The following CACNG4 variants were observed in gnomAD, a reference collection of about 807,000 sequenced individuals.
CACNG4 encodes voltage-dependent calcium channel gamma-4 subunit.
In CACNG4, 8 loss-of-function variants were observed where a neutral mutation model predicts 22.9. The observed-to-expected ratio is 0.35, with a 90% CI of 0.21 to 0.63. CACNG4 has a LOEUF of 0.63. CACNG4 is among the 30% of genes least tolerant of loss of function. The pLI is 0.72. For missense variants in CACNG4, 357 were observed against 455.4 expected (o/e 0.78, Z 1.97); for synonymous variants, 188 against 191.9 (o/e 0.98, Z 0.17).
chr17:67,030,888 G>A lies in CACNG4; in HGVS notation c.868G>A (p.Ala290Thr), dbSNP rs1430803175. The A allele has an allele frequency of 9.3e-6, 15 of 1,612,532 alleles. No individual in the cohort carries two copies. The South Asian group carries it at 1.6e-4, about 18-fold the overall frequency. Reference protein sequence around the residue: ...SREPLKVTTAASYSPDQEASF... With the variant: ...SREPLKVTTATSYSPDQEASF... ...GGAGCCCCTCAAGGTGACCACCGCA[G>A]CCAGCTACAGCCCCGACCAGGAGGC... is the stretch of plus-strand genomic sequence containing the variant. Residue 290 changes from alanine to threonine, a missense_variant, in exon 4 of 4, where the codon GCC becomes ACC. Physicochemically the swap from Ala to Thr is moderately conservative, Grantham distance 58. Coordinates refer to ENST00000262138, the MANE Select transcript of CACNG4 (RefSeq NM_014405.4). The surrounding 1 kb of genome is among the most constrained non-coding windows in gnomAD (Gnocchi z 6.4).
rs890061667 is a variant in CACNG4, at chr17:67,031,170, G to A, written c.*166G>A. 1.4e-5 allele frequency: 10 copies of A among 722,780 alleles called. No homozygotes were observed. Among genetic ancestry groups the A allele is most frequent in the Admixed American group, 2.6e-5 (1 of 38,794 alleles). 44.8% of individuals were successfully genotyped at this position (722,780 alleles called of 1,614,324 possible). On this transcript the variant is annotated 3_prime_UTR_variant, in exon 4 of 4. Transcript: ENST00000262138. This position sits in a 1 kb window ranked among gnomAD's most constrained non-coding sequence, Gnocchi z 4.0. ...CTGGCTTTGCACGAAGGTTGTGCTG[G>A]GAGACCGGACCCGGGGCTGCAGAAG... is the stretch of plus-strand genomic sequence containing the variant.
intron 1 of CACNG4, among the ~76,000 whole-genome samples, chr17:66,988,797 G>A (rs932592321): frequency 5.9e-5 from 9 of 152,104 alleles, no homozygotes; most frequent in African/African-American, 2.2e-4. Flanking sequence ...GGTGGCTCAC[G>A]CCTGTGATCT....
intron 1 of CACNG4, among the ~76,000 whole-genome samples, chr17:67,003,238 C>T (rs1419887941): frequency 6.6e-6 from 1 of 151,846 alleles, no homozygotes; most frequent in Non-Finnish European, 1.5e-5. Context: ...CATTTGTGAT[C>T]CCCATTTCAC....
chr17:66,979,931 T>C (rs1291389434), intron 1 of CACNG4, among the ~76,000 whole-genome samples: 2 of 151,998 alleles, frequency 1.3e-5, no homozygotes, highest in Non-Finnish European at 2.9e-5. Context: ...AATTTTTGTA[T>C]TTTTAGTAGA....
chr17:66,976,791 CTG>C (rs2143282626), intron 1 of CACNG4, among the ~76,000 whole-genome samples: 1 of 152,302 alleles, frequency 6.6e-6, no homozygotes, highest in East Asian at 1.9e-4. Flanking sequence ...CTTGGAAACA[CTG>C]TTGGCTGTGG....
At chr17:66,989,858 G>T (rs1042197566) in intron 1 of CACNG4, among the ~76,000 whole-genome samples, 1 of 151,650 alleles carries the variant, frequency 6.6e-6, no homozygotes, top group Admixed American at 6.6e-5. Context: ...ACTGAGTCTC[G>T]GATGAAACAC....
chr17:67,015,041 G>A (rs570715135), intron 1 of CACNG4, among the ~76,000 whole-genome samples: 1 of 152,188 alleles, frequency 6.6e-6, no homozygotes, highest in Non-Finnish European at 1.5e-5. Flanking sequence ...TAGGGACAGA[G>A]AACAATCTCA....
rs566993176 is a variant in CACNG4, at chr17:66,993,011, G to A, written c.221-25178G>A. 2.4e-3 allele frequency among the ~76,000 whole-genome samples: 367 copies of A among 152,336 alleles called. 1 individual carries two copies. The highest frequency in any genetic ancestry group is 4.5e-3 in the Admixed American group (69 of 15,306). On this transcript the variant is annotated intron_variant, in intron 1 of 3. Coordinates refer to ENST00000262138, the MANE Select transcript of CACNG4 (RefSeq NM_014405.4). The stretch of plus-strand genomic sequence containing the variant: ...AGCGCCCACCTTGCACCTAGCGTGC[G>A]CTGTGTCTACAGCAGCTGGCCCGGC...
intron 1 of CACNG4, among the ~76,000 whole-genome samples, chr17:66,973,196 C>T (rs918393563): frequency 2.7e-5 from 4 of 150,896 alleles, no homozygotes; most frequent in Non-Finnish European, 5.9e-5. Context: ...GCTGAGAGCT[C>T]GCCACTACAC....
At chr17:66,970,855 C>T (rs1247470611) in intron 1 of CACNG4, among the ~76,000 whole-genome samples, 1 of 152,206 alleles carries the variant, frequency 6.6e-6, no homozygotes, top group Non-Finnish European at 1.5e-5. Flanking sequence ...TCCAATCATT[C>T]AGGAAGAGGC....
chr17:66,964,908 C>T lies in CACNG4; in HGVS notation c.-4C>T. On this transcript the variant is annotated 5_prime_UTR_variant, in exon 1 of 4. Transcript: ENST00000262138. The stretch of plus-strand genomic sequence containing the variant: ...GGCGGGCGGCGGACTATGAGGCGCC[C>T]ACCATGGTGCGATGCGACCGCGGGC... The T allele has an allele frequency of 1.3e-6, 2 of 1,535,380 alleles. No individual in the cohort carries two copies. Among genetic ancestry groups the T allele is most frequent in the Non-Finnish European group, 1.7e-6 (2 of 1,145,768 alleles).
At chr17:67,006,558 C>A (rs890372538) in intron 1 of CACNG4, among the ~76,000 whole-genome samples, 16 of 152,342 alleles carry the variant, frequency 1.1e-4, no homozygotes, top group African/African-American at 3.8e-4. Context: ...ACTACTTACT[C>A]TGTGTGAACC....
At position 67,031,035 on chromosome 17, in the gene CACNG4, C is replaced by G. The variant is rs990668939; in HGVS notation, c.*31C>G. Reference sequence around the variant, plus strand: ...CTGCCCTTTCTCTCCGCTCCAGCCTCTCCCCAGAACGGCTCTTTTTGTCAC... The same window carrying G: ...CTGCCCTTTCTCTCCGCTCCAGCCTGTCCCCAGAACGGCTCTTTTTGTCAC... On this transcript the variant is annotated 3_prime_UTR_variant, in exon 4 of 4. Coordinates refer to ENST00000262138, the MANE Select transcript of CACNG4 (RefSeq NM_014405.4). This position sits in a 1 kb window ranked among gnomAD's most constrained non-coding sequence, Gnocchi z 4.0. 1 of 1,578,272 alleles carries G rather than the reference C, an allele frequency of 6.3e-7. No individual in the cohort carries two copies. The highest frequency in any genetic ancestry group is 8.6e-7 in the Non-Finnish European group (1 of 1,161,770).
intron 1 of CACNG4, among the ~76,000 whole-genome samples, chr17:66,997,385 G>T (rs751996302): frequency 6.6e-5 from 10 of 152,158 alleles, no homozygotes; most frequent in Non-Finnish European, 1.5e-4. Context: ...GGCAATGAGA[G>T]TAGATGGAGG....
intron 1 of CACNG4, among the ~76,000 whole-genome samples, chr17:66,982,967 T>C (rs554050505): frequency 2.6e-5 from 4 of 152,334 alleles, no homozygotes; most frequent in Admixed American, 2.6e-4. Context: ...GTGCTAGCAC[T>C]ACTTCCATGG....
Position 66,965,018 on chromosome 17 carries a change from C to G in CACNG4, c.107C>G (p.Ser36Cys). 6.2e-7 allele frequency: 1 copy of G among 1,611,542 alleles called. No individual in the cohort carries two copies. The highest frequency in any genetic ancestry group is 8.5e-7 in the Non-Finnish European group (1 of 1,179,304). ...IAIGTDYWLYSSAHICNGTNL... is the reference protein window; with the variant it reads ...IAIGTDYWLYCSAHICNGTNL... ...ATCGGCACCGACTACTGGCTGTACTCCAGCGCGCACATCTGCAACGGCACC... is the reference window on the plus strand; with the variant it reads ...ATCGGCACCGACTACTGGCTGTACTGCAGCGCGCACATCTGCAACGGCACC... Residue 36 changes from serine to cysteine, a missense_variant, in exon 1 of 4, where the codon TCC (serine) becomes TGC (cysteine). By Grantham distance (112) the Ser-to-Cys change is moderately radical (BLOSUM62 -1). Transcript: ENST00000262138.
chr17:66,971,855 G>C (rs1489038220), intron 1 of CACNG4, among the ~76,000 whole-genome samples: 2 of 152,196 alleles, frequency 1.3e-5, no homozygotes, highest in African/African-American at 4.8e-5. Context: ...TTTCACATGA[G>C]ATCGGTGCTA....
chr17:67,024,168 G>A (rs561654963), intron 2 of CACNG4, among the ~76,000 whole-genome samples: 35 of 152,180 alleles, frequency 2.3e-4, no homozygotes, highest in Admixed American at 6.5e-4. Flanking sequence ...ACTTCAGGCC[G>A]GTTTTGAGGT....
intron 1 of CACNG4, among the ~76,000 whole-genome samples, chr17:66,976,416 C>T (rs952343615): frequency 2.7e-5 from 4 of 148,806 alleles, no homozygotes; most frequent in Non-Finnish European, 6.0e-5. Context: ...CTCCATCCTT[C>T]CCACCTCCAT....
Sources: allele counts gnomAD v4.1 joint callset (sites outside exome capture counted in the v4.1 genomes callset), GRCh38; gene constraint gnomAD v4.1.1; non-coding constraint Gnocchi (gnomAD v3.1); transcripts MANE v1.5; gene names NCBI Gene and HGNC (gene_info 2026-07-23, HGNC 2026-07-21).